BMPR1A: variants seen among roughly 807,000 people sequenced by gnomAD.
BMPR1A encodes bone morphogenetic protein receptor type-1A.
BMPR1A carries 7 observed loss-of-function variants against 66.0 expected under a neutral mutation model. The ratio of observed to expected loss-of-function variants is 0.11; its 90% CI spans 0.06 to 0.20. BMPR1A has a LOEUF of 0.20. Ranked by LOEUF, BMPR1A falls within the 10% of genes least tolerant of loss-of-function variation. The pLI is 1.00. For missense variants in BMPR1A, 408 were observed against 669.1 expected (o/e 0.61, Z 4.31); for synonymous variants, 200 against 229.7 (o/e 0.87, Z 1.17).
At chr10:86,807,618 A>T (rs927643192) in intron 1 of BMPR1A, among the ~76,000 whole-genome samples, 1 of 151,824 alleles carries the variant, frequency 6.6e-6, no homozygotes, top group Non-Finnish European at 1.5e-5. Context: ...CCTGGCCTCA[A>T]GCAATTCTCC....
chr10:86,911,175 AATT>A (rs1253535951), intron 7 of BMPR1A, among the ~76,000 whole-genome samples: 2 of 151,472 alleles, frequency 1.3e-5, no homozygotes, highest in African/African-American at 4.9e-5. Flanking sequence ...AAAAAAAAAA[AATT>A]AAACCTTGAG....
At chr10:86,908,936 G>A (rs1843436928) in intron 7 of BMPR1A, among the ~76,000 whole-genome samples, 1 of 152,192 alleles carries the variant, frequency 6.6e-6, no homozygotes, top group Non-Finnish European at 1.5e-5. Context: ...AGCACAGGGA[G>A]CATTTCCTCT....
chr10:86,817,135 G>A (rs1416736641), intron 1 of BMPR1A, among the ~76,000 whole-genome samples: 1 of 151,990 alleles, frequency 6.6e-6, no homozygotes, highest in Admixed American at 6.6e-5. Flanking sequence ...TAGTTCAGTG[G>A]TATTAAATAC....
intron 2 of BMPR1A, among the ~76,000 whole-genome samples, chr10:86,842,270 C>T (rs1268299222): frequency 6.6e-6 from 1 of 152,086 alleles, no homozygotes; most frequent in African/African-American, 2.4e-5. Flanking sequence ...TGGGGAGAAA[C>T]CCTCACACAT....
intron 8 of BMPR1A, among the ~76,000 whole-genome samples, chr10:86,914,858 A>G (rs1329807379): frequency 1.3e-5 from 2 of 152,220 alleles, no homozygotes; most frequent in Non-Finnish European, 1.5e-5. Context: ...TCTGCTAATT[A>G]TTTACCCAAG....
At chr10:86,918,864 C>T (rs1437797774) in intron 9 of BMPR1A, among the ~76,000 whole-genome samples, 2 of 152,182 alleles carry the variant, frequency 1.3e-5, no homozygotes, top group Non-Finnish European at 2.9e-5. Flanking sequence ...CTCAAGTGAT[C>T]CTCCTGCCTT....
At chr10:86,866,222 T>C (rs1254387920) in intron 2 of BMPR1A, among the ~76,000 whole-genome samples, 2 of 107,694 alleles carry the variant, frequency 1.9e-5, no homozygotes, top group African/African-American at 4.7e-5. Flanking sequence ...AAGAGGGAGC[T>C]TTTTTTTTTT....
At chr10:86,795,445 T>C (rs1021839666) in intron 1 of BMPR1A, among the ~76,000 whole-genome samples, 2 of 151,620 alleles carry the variant, frequency 1.3e-5, no homozygotes, top group African/African-American at 2.4e-5. Context: ...GCTGTAACAG[T>C]GAATAGATCT....
At chr10:86,759,909 C>T (rs1230274162) in intron 1 of BMPR1A, among the ~76,000 whole-genome samples, 1 of 151,836 alleles carries the variant, frequency 6.6e-6, no homozygotes, top group East Asian at 1.9e-4. Context: ...ACATTTTTTT[C>T]AGGAATTTAT....
rs771974755 is a variant in BMPR1A at position 86,892,091 on chromosome 10, T to C, written c.231-36T>C. The C allele has an allele frequency of 3.9e-6, 6 of 1,542,580 alleles. No individual in the cohort carries two copies. The Admixed American group carries it at 1.0e-4, about 26-fold the overall frequency. ...TTTCGTTAGTACTTTCTATGTGAAT[T>C]TATGTTTTGTTTTGTTTTGTTTTTT... is the stretch of plus-strand genomic sequence containing the variant. On this transcript the variant is annotated intron_variant, in intron 4 of 12. Coordinates refer to ENST00000372037, the MANE Select transcript of BMPR1A (RefSeq NM_004329.3).
rs1554888312 is a variant in BMPR1A, at chr10:86,892,152, A to G, written c.256A>G (p.Ile86Val). 6.2e-7 allele frequency: 1 copy of G among 1,613,552 alleles called. No individual in the cohort carries two copies. The highest frequency in any genetic ancestry group is 8.5e-7 in the Non-Finnish European group (1 of 1,179,480). The change falls in exon 5 of 13, where the codon ATA becomes GTA. Residue 86 changes from isoleucine (I) to valine (V), a missense_variant. Around this residue, in one of 5 missense-constraint regions of BMPR1A, gnomAD observed 13 missense variants for 46.5 expected, o/e 0.28. Transcript: ENST00000372037. ...AACTAATGGACATTGCTTTGCCATC[A>G]TAGAAGAAGATGACCAGGGAGAAAC... ...CITNGHCFAI[I>V]EEDDQGETTL...
chr10:86,764,583 T>C (rs1841133729), intron 1 of BMPR1A, among the ~76,000 whole-genome samples: 1 of 152,256 alleles, frequency 6.6e-6, no homozygotes, highest in Admixed American at 6.5e-5. Context: ...TGTTTTCTTA[T>C]TTGCTTACAA....
intron 9 of BMPR1A, among the ~76,000 whole-genome samples, chr10:86,918,646 C>T (rs1362456891): frequency 1.4e-5 from 2 of 142,120 alleles, no homozygotes; most frequent in South Asian, 2.2e-4. Context: ...TTTTTTGAGA[C>T]GGAGTCTCAT....
At position 86,765,388 on chromosome 10, in the gene BMPR1A, A is replaced by G. The variant is rs7072803; in HGVS notation, c.-268+8469A>G. Reference sequence around the variant, plus strand: ...AATCCCAGGTACTCAGGAGGCTAAGACAGGAGAATCACTTGAACCTGGGAG... The same window carrying G: ...AATCCCAGGTACTCAGGAGGCTAAGGCAGGAGAATCACTTGAACCTGGGAG... On this transcript the variant is annotated intron_variant, in intron 1 of 12. Transcript: ENST00000372037. Among the ~76,000 whole-genome samples the G allele has an allele frequency of 0.27, 40,121 of 150,860 alleles. 6,724 individuals are homozygous for G. Among genetic ancestry groups the G allele is most frequent in the East Asian group, 0.7 (3,538 of 5,082 alleles).
At chr10:86,906,958 TC>T (rs1166170404) in intron 7 of BMPR1A, among the ~76,000 whole-genome samples, 4 of 152,250 alleles carry the variant, frequency 2.6e-5, no homozygotes, top group Admixed American at 1.3e-4. Flanking sequence ...CCTGTGTCCA[TC>T]TGAGCTGTGT....
chr10:86,762,107 T>C (rs762023551), intron 1 of BMPR1A, among the ~76,000 whole-genome samples: 1 of 152,226 alleles, frequency 6.6e-6, no homozygotes, highest in African/African-American at 2.4e-5. Context: ...AGGGAAAAGC[T>C]TCTCCCCACT....
intron 1 of BMPR1A, among the ~76,000 whole-genome samples, chr10:86,812,898 C>G (rs1841990053): frequency 6.6e-6 from 1 of 152,150 alleles, no homozygotes; most frequent in Admixed American, 6.6e-5. Context: ...AGAGTGATGT[C>G]TATTCACCAT....
At chr10:86,870,676 A>C (rs2133290449) in intron 2 of BMPR1A, among the ~76,000 whole-genome samples, 1 of 152,164 alleles carries the variant, frequency 6.6e-6, no homozygotes, top group East Asian at 1.9e-4. Context: ...CTCCCACCTC[A>C]GCCTTCCAAA....
At chr10:86,903,031 A>G (rs1434884756) in intron 7 of BMPR1A, among the ~76,000 whole-genome samples, 1 of 152,192 alleles carries the variant, frequency 6.6e-6, no homozygotes, top group African/African-American at 2.4e-5. Flanking sequence ...TCTCACCCTA[A>G]AAGCAAGCCC....
Sources: gnomAD v4.1 joint callset for allele counts (sites outside exome capture counted in the v4.1 genomes callset) on GRCh38, gnomAD v4.1.1 for gene constraint, gnomAD v4.1.1 regional missense constraint, MANE v1.5 for transcripts, NCBI Gene and HGNC (gene_info 2026-07-23, HGNC 2026-07-21) for gene names.